The following MBTPS2 variants were observed in gnomAD, a reference collection of about 807,000 sequenced individuals.
MBTPS2 encodes the protein membrane-bound transcription factor site-2 protease.
Under a neutral mutation model 35.4 loss-of-function variants are expected in MBTPS2, and 2 were observed. That is an observed-to-expected ratio of 0.06 (90% CI 0.02 to 0.18). The LOEUF (loss-of-function observed/expected upper bound fraction) is 0.18. MBTPS2 is among the 10% of genes least tolerant of loss of function. The pLI is 1.00. For missense variants in MBTPS2, 244 were observed against 386.5 expected, an observed-to-expected ratio of 0.63 and a Z score of 3.09; for synonymous variants, 125 against 140.4, an observed-to-expected ratio of 0.89 and a Z score of 0.77.
chrX:21,865,197 T>TAA (rs147383898), intron 5 of MBTPS2, among the ~76,000 whole-genome samples: 1 of 99,684 alleles, frequency 1.0e-5, no homozygotes, highest in African/African-American at 3.7e-5. Context: ...GCTATTTCTT[T>TAA]AAAAAAAAAA....
At chrX:21,844,841 C>T (rs1325681632) in intron 2 of MBTPS2, among the ~76,000 whole-genome samples, 1 of 112,226 alleles carries the variant, frequency 8.9e-6, no homozygotes, top group East Asian at 2.8e-4. Flanking sequence ...GGATGGATGT[C>T]TATAACGTCA....
chrX:21,866,787 G>C (rs1330620471), intron 5 of MBTPS2, among the ~76,000 whole-genome samples: 2 of 110,677 alleles, frequency 1.8e-5, no homozygotes, highest in Non-Finnish European at 3.8e-5. Flanking sequence ...AGCGCTTTGG[G>C]AGGCCGAGGT....
chrX:21,854,870 C>T (rs778083997), intron 5 of MBTPS2, among the ~76,000 whole-genome samples: 5 of 111,631 alleles, frequency 4.5e-5, no homozygotes, highest in African/African-American at 6.5e-5. Flanking sequence ...GTAAAAACTA[C>T]CTGAAATTTA....
At chrX:21,854,442 T>C (rs1047861685) in intron 5 of MBTPS2, among the ~76,000 whole-genome samples, 1 of 112,350 alleles carries the variant, frequency 8.9e-6, no homozygotes, top group Non-Finnish European at 1.9e-5. Flanking sequence ...GTCCCAAATA[T>C]GTGATGTACA....
intron 5 of MBTPS2, chrX:21,856,707 G>C (rs1302509429): frequency 8.3e-7 from 1 of 1,211,640 alleles, no homozygotes; most frequent in Non-Finnish European, 1.1e-6. Context: ...TGGCGACCAC[G>C]ACCAGGAAAT....
At chrX:21,841,177 G>A (rs1443363008) in intron 1 of MBTPS2, among the ~76,000 whole-genome samples, 3 of 111,600 alleles carry the variant, frequency 2.7e-5, no homozygotes, top group Non-Finnish European at 5.6e-5. Context: ...CCAGCACTTT[G>A]GGGGAGGCTG....
At chrX:21,867,816 T>G (rs1363268036) in intron 5 of MBTPS2, among the ~76,000 whole-genome samples, 2 of 110,198 alleles carry the variant, frequency 1.8e-5, no homozygotes, top group Non-Finnish European at 1.9e-5. Flanking sequence ...TTTTTTTGTA[T>G]TTTTAGTAGA....
At chrX:21,860,643 T>G (rs2092930296) in intron 5 of MBTPS2, among the ~76,000 whole-genome samples, 1 of 111,247 alleles carries the variant, frequency 9.0e-6, no homozygotes, top group Admixed American at 9.6e-5. Context: ...GCTACATGCC[T>G]GACGAGATAA....
At chrX:21,842,564 T>C (rs1286483620) in intron 1 of MBTPS2, among the ~76,000 whole-genome samples, 2 of 111,095 alleles carry the variant, frequency 1.8e-5, no homozygotes, top group Non-Finnish European at 3.8e-5. Flanking sequence ...AAGTATAAAG[T>C]TGATGTTGAA....
intron 1 of MBTPS2, chrX:21,842,016 T>C (rs1367151126): frequency 8.9e-6 from 1 of 112,164 alleles, no homozygotes; most frequent in Non-Finnish European, 1.9e-5. Flanking sequence ...GAGCAGATAA[T>C]ACTACAGATC....
intron 3 of MBTPS2, among the ~76,000 whole-genome samples, chrX:21,850,093 C>T (rs2092913305): frequency 9.1e-6 from 1 of 109,783 alleles, no homozygotes; most frequent in African/African-American, 3.3e-5. Flanking sequence ...GAGCCCAATC[C>T]CTTAGCAAGT....
At position 21,845,611 on chromosome X, in the gene MBTPS2, A is replaced by G. The variant is rs775759126; in HGVS notation, c.438+227A>G. Among the ~76,000 whole-genome samples, 4 of 112,529 alleles carry G rather than the reference A, an allele frequency of 3.6e-5. No individual in the cohort carries two copies. The East Asian group carries it at 1.1e-3, about 31-fold the overall frequency. On this transcript the variant is annotated intron_variant, in intron 3 of 10. Coordinates refer to ENST00000379484, the MANE Select transcript of MBTPS2 (RefSeq NM_015884.4). ...AATGGTAAAAGAGAACAAATGAACCATCATTAAGACTGTCAGCAATTAAAC... is the reference window on the plus strand; with the variant it reads ...AATGGTAAAAGAGAACAAATGAACCGTCATTAAGACTGTCAGCAATTAAAC...
chrX:21,840,724 A>G, intron 1 of MBTPS2, among the ~76,000 whole-genome samples: 1 of 112,165 alleles, frequency 8.9e-6, no homozygotes, highest in African/African-American at 3.2e-5. Flanking sequence ...AAAATAGAAA[A>G]CCATAGTATT....
chrX:21,873,995 G>GTATATA (rs1307380580), intron 7 of MBTPS2, among the ~76,000 whole-genome samples: 128 of 66,656 alleles, frequency 1.9e-3, no homozygotes, highest in African/African-American at 7.9e-3. Flanking sequence ...GTGTGTGTGT[G>GTATATA]TGTGTGTATA....
chrX:21,884,907 A>C lies in MBTPS2; in HGVS notation c.*2252A>C. The C allele has an allele frequency of 1.3e-6, 1 of 752,736 alleles. No homozygotes were observed. Among genetic ancestry groups the C allele is most frequent in the Non-Finnish European group, 1.6e-6 (1 of 637,710 alleles). 62.0% of individuals were successfully genotyped at this position (752,736 alleles called of 1,213,427 possible). A position where few individuals can be genotyped will look rare whatever the true frequency, so the allele number is the denominator to read the frequency against. On this transcript the variant is annotated 3_prime_UTR_variant, in exon 11 of 11. Coordinates refer to ENST00000379484, the MANE Select transcript of MBTPS2 (RefSeq NM_015884.4). ...CTTGGAGGGTCTTTGTGTCCCTGGC[A>C]TATTATCATCTTCATGGAAAGAATC...
intron 7 of MBTPS2, among the ~76,000 whole-genome samples, chrX:21,877,446 A>G (rs1256098307): frequency 1.8e-5 from 2 of 111,637 alleles, no homozygotes. Context: ...TATCTAAATA[A>G]ATAAATGGAA....
At chrX:21,877,101 A>G (rs1183988927) in intron 7 of MBTPS2, among the ~76,000 whole-genome samples, 3 of 112,221 alleles carry the variant, frequency 2.7e-5, no homozygotes, top group Non-Finnish European at 5.6e-5. Context: ...TAAGTGAAGT[A>G]GATTCCTTAT....
At position 21,845,312 on chromosome X, in the gene MBTPS2, C is replaced by T. The variant is rs1569321339; in HGVS notation, c.366C>T (p.Ser122=). 1 of 1,185,759 alleles carries T rather than the reference C, an allele frequency of 8.4e-7. No homozygotes were observed. Among genetic ancestry groups the T allele is most frequent in the East Asian group, 3.0e-5 (1 of 33,703 alleles). Residue 122 remains serine (S), a synonymous_variant, in exon 3 of 11, where the codon TCC becomes TCT. Transcript: ENST00000379484. The part of the protein sequence containing the change: ...SYSSSSSSSS[S]SSSSSSSSSS... ...CTTCCTCCTCTTCTTCCTCTTCCTC[C>T]TCTTCTTCCTCTTCCTCTTCTTCAT...
chrX:21,866,222 C>T (rs945334689), intron 5 of MBTPS2, among the ~76,000 whole-genome samples: 1 of 111,510 alleles, frequency 9.0e-6, no homozygotes, highest in Non-Finnish European at 1.9e-5. Context: ...CTAAGTCCTA[C>T]TGTTTCTTGG....
Sources: allele counts gnomAD v4.1 joint callset (sites outside exome capture counted in the v4.1 genomes callset), GRCh38; gene constraint gnomAD v4.1.1; transcripts MANE v1.5; gene names NCBI Gene and HGNC (gene_info 2026-07-23, HGNC 2026-07-21).